The following PIGX variants were observed in gnomAD, a reference collection of about 807,000 sequenced individuals.
PIGX encodes the protein GPI alpha-1,4-mannosyltransferase I, stabilizing subunit.
In PIGX, 24 loss-of-function variants were observed where a neutral mutation model predicts 28.7. The ratio of observed to expected loss-of-function variants is 0.84; its 90% CI spans 0.60 to 1.17. The LOEUF (loss-of-function observed/expected upper bound fraction) is 1.17. PIGX is among the 50% of genes most tolerant of loss of function. The pLI, the probability that PIGX is intolerant of heterozygous loss-of-function variation, is 0.00. For synonymous variants in PIGX, 127 were observed against 121.0 expected, an observed-to-expected ratio of 1.05 and a Z score of -0.33; for missense variants, 305 against 317.8, an observed-to-expected ratio of 0.96 and a Z score of 0.31.
chr3:196,731,604 T>C (rs1712758107), intron 5 of PIGX, among the ~76,000 whole-genome samples: 1 of 152,210 alleles, frequency 6.6e-6, no homozygotes, highest in South Asian at 2.1e-4. Flanking sequence ...GACTCTGCAA[T>C]CTTATGCAGT....
intron 3 of PIGX, among the ~76,000 whole-genome samples, chr3:196,723,202 G>A (rs185294169): frequency 6.6e-6 from 1 of 152,172 alleles, no homozygotes; most frequent in Non-Finnish European, 1.5e-5. Flanking sequence ...TTAGCCAGGT[G>A]TGGTGGTGGG....
chr3:196,731,552 T>C (rs73072742), intron 5 of PIGX, among the ~76,000 whole-genome samples: 2,113 of 152,298 alleles, frequency 0.014, 38 homozygotes, highest in African/African-American at 0.048. Context: ...TGCTGTTTTT[T>C]GTTGGGGAAC....
At chr3:196,718,322 A>G (rs71323743) in intron 2 of PIGX, among the ~76,000 whole-genome samples, 28,230 of 152,032 alleles carry the variant, frequency 0.19, 2,849 homozygotes, top group Non-Finnish European at 0.22. Context: ...TGAAGAAAAA[A>G]AAAAGGGGGG....
Position 196,731,041 on chromosome 3 carries a change from T to C in PIGX, c.582T>C (p.Cys194=), listed in dbSNP as rs770559104. The change falls in exon 5 of 6, where the codon TGT becomes TGC. Residue 194 remains cysteine, a synonymous_variant. Coordinates refer to ENST00000392391, the MANE Select transcript of PIGX (RefSeq NM_017861.4). Reference sequence around the variant, plus strand: ...CTCACTCAGAAGTGGCAGCCCCTTGTGCTTTGGAGAATGAGGATATCTGCC... The same window carrying C: ...CTCACTCAGAAGTGGCAGCCCCTTGCGCTTTGGAGAATGAGGATATCTGCC... 2.1e-5 allele frequency: 34 copies of C among 1,612,084 alleles called. No homozygotes were observed. Among genetic ancestry groups the C allele is most frequent in the Non-Finnish European group, 2.6e-5 (31 of 1,178,326 alleles).
chr3:196,718,544 T>A (rs1422691844), intron 2 of PIGX, among the ~76,000 whole-genome samples: 1 of 152,170 alleles, frequency 6.6e-6, no homozygotes. Context: ...ATGAAGTACA[T>A]TGATGTTTCC....
chr3:196,717,341 A>G (rs1245011601), intron 2 of PIGX, among the ~76,000 whole-genome samples: 1 of 151,960 alleles, frequency 6.6e-6, no homozygotes, highest in Non-Finnish European at 1.5e-5. Flanking sequence ...CCTCAAAGTT[A>G]CTCAGTGATG....
At chr3:196,713,647 G>A (rs766066810) in intron 1 of PIGX, among the ~76,000 whole-genome samples, 2 of 151,948 alleles carry the variant, frequency 1.3e-5, no homozygotes, top group African/African-American at 4.8e-5. Flanking sequence ...ATCTGTAGAG[G>A]CTTCCAACGT....
intron 3 of PIGX, among the ~76,000 whole-genome samples, chr3:196,723,736 A>G (rs529695291): frequency 6.6e-6 from 1 of 151,968 alleles, no homozygotes; most frequent in African/African-American, 2.4e-5. Context: ...CTACTTACGA[A>G]TTTTTAAAAC....
chr3:196,717,454 G>C (rs1712146667), intron 2 of PIGX, among the ~76,000 whole-genome samples: 1 of 152,086 alleles, frequency 6.6e-6, no homozygotes, highest in Non-Finnish European at 1.5e-5. Flanking sequence ...GGTATCTGAG[G>C]GGATTGGTTC....
rs1309422162 is a variant in PIGX at position 196,735,448 on chromosome 3, C to G, written c.*1546C>G. The G allele has an allele frequency of 6.6e-6, 1 of 151,856 alleles. No homozygotes were observed. The highest frequency in any genetic ancestry group is 1.5e-5 in the Non-Finnish European group (1 of 68,006). The allele number at this position is 151,856 out of a possible 1,614,324, so 9.4% of individuals were successfully genotyped here. A position where few individuals can be genotyped will look rare whatever the true frequency, so the allele number is the denominator to read the frequency against. On this transcript the variant is annotated 3_prime_UTR_variant, in exon 6 of 6. Transcript: ENST00000392391. ...AACCTTTGTATATGCCATCACTGCT[C>G]CATTTCCTAAAGTATTTTGGTGTTT...
At chr3:196,713,155 C>A in intron 1 of PIGX, 1 of 885,074 alleles carries the variant, frequency 1.1e-6, no homozygotes, top group Non-Finnish European at 1.4e-6. Flanking sequence ...AGCACAAACC[C>A]TACAAGTTTC....
Position 196,734,975 on chromosome 3 carries a change from A to C in PIGX, c.*1073A>C, listed in dbSNP as rs1218458753. 5.3e-5 allele frequency: 8 copies of C among 152,090 alleles called. No individual in the cohort carries two copies. Among genetic ancestry groups the C allele is most frequent in the African/African-American group, 1.9e-4 (8 of 41,418 alleles). 9.4% of individuals were successfully genotyped at this position (152,090 alleles called of 1,614,324 possible). A position where few individuals can be genotyped will look rare whatever the true frequency, so the allele number is the denominator to read the frequency against. ...TATGATTGGAAAAAAATTAGAAAATAAAGTAAGTGCCATAGGCTAATTAAA... is the reference window on the plus strand; with the variant it reads ...TATGATTGGAAAAAAATTAGAAAATCAAGTAAGTGCCATAGGCTAATTAAA... On this transcript the variant is annotated 3_prime_UTR_variant, in exon 6 of 6. Transcript: ENST00000392391.
At chr3:196,719,121 T>C (rs1407585725) in intron 2 of PIGX, among the ~76,000 whole-genome samples, 1 of 152,128 alleles carries the variant, frequency 6.6e-6, no homozygotes, top group Non-Finnish European at 1.5e-5. Context: ...TCCCAAGACC[T>C]TGTGAAAGGA....
At chr3:196,722,363 C>G in intron 2 of PIGX, 52 bp from the exon 3 acceptor site, 1 of 1,343,124 alleles carries the variant, frequency 7.4e-7, no homozygotes. Flanking sequence ...GTTATGTTAT[C>G]TCATTTAACA....
chr3:196,712,675 C>T, intron 1 of PIGX, 31 bp downstream of exon 1: 2 of 1,179,138 alleles, frequency 1.7e-6, no homozygotes, highest in Non-Finnish European at 2.1e-6. Context: ...GGGGCCAGAG[C>T]GTGGGAGCGG....
intron 2 of PIGX, among the ~76,000 whole-genome samples, chr3:196,718,432 G>A (rs1712187248): frequency 2.0e-5 from 3 of 152,148 alleles, no homozygotes; most frequent in Non-Finnish European, 2.9e-5. Context: ...CTAGTTTCCT[G>A]AGAGTTTTCT....
At chr3:196,717,799 C>T (rs1465538999) in intron 2 of PIGX, 1 of 152,124 alleles carries the variant, frequency 6.6e-6, no homozygotes, top group Admixed American at 6.6e-5. Flanking sequence ...ATCACTATGT[C>T]TTACTACAGT....
chr3:196,724,805 CTT>C (rs1173548971), intron 3 of PIGX, among the ~76,000 whole-genome samples: 1 of 152,208 alleles, frequency 6.6e-6, no homozygotes, highest in East Asian at 1.9e-4. Context: ...TACAGAGAAA[CTT>C]TGTTATGCTA....
rs1035471986 is a variant in PIGX, at chr3:196,712,951, C to A, written c.112+307C>A. On this transcript the variant is annotated intron_variant, in intron 1 of 5. Transcript: ENST00000392391. ...CGTCTTGGGATGCTCTTGAGCTGCA[C>A]GAAGCTTCTGATCACCAAGGGGCCA... 1.4e-5 allele frequency: 14 copies of A among 1,007,192 alleles called. No individual in the cohort carries two copies. In the African/African-American group the frequency reaches 2.2e-4, roughly 16 times the overall value. 62.4% of individuals were successfully genotyped at this position (1,007,192 alleles called of 1,614,324 possible).
Sources: gnomAD v4.1 joint callset for allele counts (sites outside exome capture counted in the v4.1 genomes callset) on GRCh38, gnomAD v4.1.1 for gene constraint, MANE v1.5 for transcripts, NCBI Gene and HGNC (gene_info 2026-07-23, HGNC 2026-07-21) for gene names.